NFATC2: variants seen among roughly 807,000 people sequenced by gnomAD.
NFATC2 encodes the protein nuclear factor of activated T-cells, cytoplasmic 2.
In NFATC2, 22 loss-of-function variants were observed where a neutral mutation model predicts 87.3. That is an observed-to-expected ratio of 0.25 (90% CI 0.18 to 0.36). NFATC2 has a LOEUF of 0.36. Ranked by LOEUF, NFATC2 falls within the 10% of genes least tolerant of loss-of-function variation. NFATC2 has a pLI of 1.00. For synonymous variants in NFATC2, 565 were observed against 542.2 expected (o/e 1.04, Z -0.58); for missense variants, 1,149 against 1,259.1 (o/e 0.91, Z 1.32).
chr20:51,442,698 A>G (rs924247696), intron 6 of NFATC2, among the ~76,000 whole-genome samples: 16 of 139,486 alleles, frequency 1.1e-4, no homozygotes, highest in Admixed American at 2.3e-4. Context: ...TTATTTTTAA[A>G]TAAAGTTTGT....
At chr20:51,401,136 G>A (rs939441994) in intron 9 of NFATC2, among the ~76,000 whole-genome samples, 11 of 152,126 alleles carry the variant, frequency 7.2e-5, no homozygotes, top group African/African-American at 2.2e-4. Context: ...TTGGGAGGCC[G>A]AAGTGGGTGG....
intron 9 of NFATC2, among the ~76,000 whole-genome samples, chr20:51,429,210 C>T (rs1028083321): frequency 4.6e-5 from 7 of 152,240 alleles, no homozygotes; most frequent in Non-Finnish European, 1.0e-4. Context: ...AGAGACAAAA[C>T]TGCACCCACA....
rs1985849046 is a variant in NFATC2, at chr20:51,387,134, A to C, written c.*4362T>G. The C allele has an allele frequency of 6.6e-6, 1 of 152,238 alleles. No homozygotes were observed. Among genetic ancestry groups the C allele is most frequent in the Non-Finnish European group, 1.5e-5 (1 of 68,046 alleles). 9.4% of individuals were successfully genotyped at this position (152,238 alleles called of 1,614,324 possible). ...ATTTTCTAAACCTAAGCCTGCCAGC[A>C]CCACCATGTTGGAGAGACCTGTTTG... On this transcript the variant is annotated 3_prime_UTR_variant, in exon 11 of 11. Coordinates refer to ENST00000371564, the MANE Select transcript of NFATC2 (RefSeq NM_012340.5).
At chr20:51,420,687 G>A (rs1393182275) in intron 9 of NFATC2, among the ~76,000 whole-genome samples, 2 of 151,986 alleles carry the variant, frequency 1.3e-5, no homozygotes, top group Non-Finnish European at 2.9e-5. Context: ...TCTGACTCCC[G>A]ACGCAAATGA....
At chr20:51,551,320 C>T (rs1178123297) in intron 1 of NFATC2, among the ~76,000 whole-genome samples, 10 of 152,176 alleles carry the variant, frequency 6.6e-5, no homozygotes. Flanking sequence ...AAGACAGGGT[C>T]AGTAACAGTC....
chr20:51,439,609 G>T (rs1271507448), intron 6 of NFATC2, among the ~76,000 whole-genome samples: 1 of 152,198 alleles, frequency 6.6e-6, no homozygotes, highest in Non-Finnish European at 1.5e-5. Context: ...CGCCCATGGG[G>T]GGCAGGGGGA....
intron 9 of NFATC2, among the ~76,000 whole-genome samples, chr20:51,406,556 G>A (rs1429134835): frequency 6.6e-6 from 1 of 152,226 alleles, no homozygotes; most frequent in East Asian, 1.9e-4. Flanking sequence ...GGCCTGGGCT[G>A]CGCAGAGGAA....
At chr20:51,463,947 A>G (rs1485472866) in intron 5 of NFATC2, among the ~76,000 whole-genome samples, 1 of 151,882 alleles carries the variant, frequency 6.6e-6, no homozygotes, top group East Asian at 1.9e-4. Context: ...AACTATTTCA[A>G]TCAGCAAAGA....
chr20:51,485,726 A>T (rs371219659), intron 3 of NFATC2, among the ~76,000 whole-genome samples: 82 of 152,136 alleles, frequency 5.4e-4, no homozygotes, highest in African/African-American at 1.8e-3. Flanking sequence ...CAGTTTCATC[A>T]TCTGTAAATG....
At chr20:51,400,471 TG>T (rs550662287) in intron 9 of NFATC2, among the ~76,000 whole-genome samples, 9 of 55,676 alleles carry the variant, frequency 1.6e-4, no homozygotes, top group Non-Finnish European at 2.7e-4. Flanking sequence ...ATATGGGGGG[TG>T]GGGGGGCACA....
chr20:51,449,350 C>A (rs1172492641), intron 6 of NFATC2, among the ~76,000 whole-genome samples: 5 of 152,176 alleles, frequency 3.3e-5, no homozygotes, highest in Admixed American at 2.6e-4. Flanking sequence ...GGCGAGCCCC[C>A]TCTCTGCAGA....
chr20:51,555,834 A>T (rs749444794), intron 1 of NFATC2, among the ~76,000 whole-genome samples: 5 of 152,144 alleles, frequency 3.3e-5, no homozygotes, highest in Non-Finnish European at 7.3e-5. Flanking sequence ...ATTGCCTTAG[A>T]GAGGAAGGGC....
intron 3 of NFATC2, among the ~76,000 whole-genome samples, chr20:51,505,309 C>T (rs2146646058): frequency 6.6e-6 from 1 of 151,920 alleles, no homozygotes; most frequent in African/African-American, 2.4e-5. Flanking sequence ...CGTGAGCCAC[C>T]ACGTCTGGCC....
chr20:51,396,436 C>T (rs1482195321), intron 10 of NFATC2, among the ~76,000 whole-genome samples: 2 of 152,156 alleles, frequency 1.3e-5, no homozygotes, highest in Non-Finnish European at 2.9e-5. Context: ...GGCCCTTTCC[C>T]TTTGACTGCT....
chr20:51,536,277 C>T (rs1235076785), intron 1 of NFATC2, among the ~76,000 whole-genome samples: 2 of 152,192 alleles, frequency 1.3e-5, no homozygotes, highest in African/African-American at 2.4e-5. Context: ...CAGCTCCATA[C>T]GGTGTCCTGC....
intron 3 of NFATC2, among the ~76,000 whole-genome samples, chr20:51,514,654 C>G (rs1405148147): frequency 1.3e-5 from 2 of 152,136 alleles, no homozygotes; most frequent in Non-Finnish European, 2.9e-5. Flanking sequence ...GGGTGGATCA[C>G]TTGAAATCAA....
At chr20:51,496,052 C>G (rs954385384) in intron 3 of NFATC2, among the ~76,000 whole-genome samples, 3 of 152,178 alleles carry the variant, frequency 2.0e-5, no homozygotes, top group African/African-American at 7.2e-5. Context: ...TCCAAACCCC[C>G]ACCCAGGGTC....
intron 3 of NFATC2, among the ~76,000 whole-genome samples, chr20:51,489,586 G>A (rs1474767096): frequency 6.6e-6 from 1 of 152,186 alleles, no homozygotes; most frequent in Non-Finnish European, 1.5e-5. Flanking sequence ...GCATTGCAAA[G>A]ACAGTAAGAC....
intron 5 of NFATC2, among the ~76,000 whole-genome samples, chr20:51,472,699 G>A (rs1015302472): frequency 5.0e-5 from 7 of 139,656 alleles, no homozygotes; most frequent in Non-Finnish European, 7.5e-5. Flanking sequence ...GCAGTGGTGC[G>A]ATCTCAGCTC....
Sources: gnomAD v4.1 joint callset for allele counts (sites outside exome capture counted in the v4.1 genomes callset) on GRCh38, gnomAD v4.1.1 for gene constraint, MANE v1.5 for transcripts, NCBI Gene and HGNC (gene_info 2026-07-23, HGNC 2026-07-21) for gene names.